NCALD: variants seen among roughly 807,000 people sequenced by gnomAD.
The protein encoded by NCALD is neurocalcin delta, also known as neurocalcin-delta.
NCALD carries 10 observed loss-of-function variants against 18.6 expected under a neutral mutation model. That is an observed-to-expected ratio of 0.54 (90% CI 0.33 to 0.91). The LOEUF (loss-of-function observed/expected upper bound fraction) is 0.91, where lower values mean the gene tolerates loss of function less well. NCALD is among the 40% of genes least tolerant of loss of function. The pLI is 0.03. For missense variants in NCALD, 184 were observed against 247.6 expected, an observed-to-expected ratio of 0.74 and a Z score of 1.72; for synonymous variants, 88 against 87.4, an observed-to-expected ratio of 1.01 and a Z score of -0.04.
intron 1 of NCALD, among the ~76,000 whole-genome samples, chr8:102,052,511 T>C (rs956224910): frequency 1.3e-5 from 2 of 152,256 alleles, no homozygotes; most frequent in Non-Finnish European, 2.9e-5. Flanking sequence ...TTTTCACTTA[T>C]GTTATCTTAG....
chr8:102,018,283 G>T (rs566340678), intron 2 of NCALD, among the ~76,000 whole-genome samples: 3 of 152,120 alleles, frequency 2.0e-5, no homozygotes, highest in African/African-American at 7.2e-5. Context: ...TCCACACAAA[G>T]GCCTGTTCAT....
At chr8:102,110,448 C>T (rs1305755666) in intron 1 of NCALD, among the ~76,000 whole-genome samples, 1 of 152,166 alleles carries the variant, frequency 6.6e-6, no homozygotes. Context: ...TTAGAAAGCA[C>T]TCCACTTTCA....
chr8:102,038,964 A>C (rs1563564774), intron 1 of NCALD, among the ~76,000 whole-genome samples: 2 of 152,182 alleles, frequency 1.3e-5, no homozygotes, highest in South Asian at 2.1e-4. Flanking sequence ...CAACCTGCCT[A>C]TGGGGACTAC....
At position 101,823,764 on chromosome 8, in the gene NCALD, G is replaced by A. The variant is rs536159184; in HGVS notation, c.-20+63377C>T. Among the ~76,000 whole-genome samples, 7 of 152,272 alleles carry A rather than the reference G, an allele frequency of 4.6e-5. No homozygotes were observed. The East Asian group carries it at 9.7e-4, about 21-fold the overall frequency. ...TAGCAAAGCTTTAGGAGGAAGCCAC[G>A]CAATTCTCTGAGTATGGTGGAGGCT... On this transcript the variant is annotated intron_variant, in intron 4 of 6. Coordinates refer to the NCALD transcript ENST00000311028.
chr8:101,765,355 T>C (rs1811302788), intron 1 of NCALD, among the ~76,000 whole-genome samples: 1 of 152,190 alleles, frequency 6.6e-6, no homozygotes, highest in Non-Finnish European at 1.5e-5. Context: ...CGGGGCAATG[T>C]TCCAGAGAGA....
At chr8:101,777,413 A>G (rs984965267) in intron 1 of NCALD, among the ~76,000 whole-genome samples, 1 of 152,190 alleles carries the variant, frequency 6.6e-6, no homozygotes, top group African/African-American at 2.4e-5. Context: ...TGGGGAAGTT[A>G]GGAATGGGAC....
chr8:101,933,554 G>A (rs900825241), intron 2 of NCALD, among the ~76,000 whole-genome samples: 2 of 152,204 alleles, frequency 1.3e-5, no homozygotes, highest in Admixed American at 1.3e-4. Flanking sequence ...CTCTAAGTTT[G>A]TGGTGATTTG....
chr8:101,851,379 A>T (rs1328240210), intron 4 of NCALD, among the ~76,000 whole-genome samples: 1 of 144,390 alleles, frequency 6.9e-6, no homozygotes, highest in African/African-American at 2.6e-5. Context: ...TCATTAAACT[A>T]AAAAAAAAAA....
At chr8:101,834,341 C>G (rs1363744388) in intron 4 of NCALD, among the ~76,000 whole-genome samples, 1 of 152,254 alleles carries the variant, frequency 6.6e-6, no homozygotes, top group Non-Finnish European at 1.5e-5. Context: ...CAAGCTGAGC[C>G]CCACCCAGGG....
chr8:101,772,091 C>T (rs1275555948), intron 1 of NCALD, among the ~76,000 whole-genome samples: 1 of 152,102 alleles, frequency 6.6e-6, no homozygotes. Flanking sequence ...TTGGGTCTAG[C>T]CTAAAGGCAG....
At chr8:101,941,416 C>T (rs58837482) in intron 2 of NCALD, among the ~76,000 whole-genome samples, 6,914 of 152,304 alleles carry the variant, frequency 0.045, 379 homozygotes, top group African/African-American at 0.12. Flanking sequence ...GGTTCACCTG[C>T]TGCTCACCTC....
chr8:101,998,507 G>T (rs1821320582), intron 2 of NCALD, among the ~76,000 whole-genome samples: 2 of 152,114 alleles, frequency 1.3e-5, no homozygotes, highest in African/African-American at 4.8e-5. Context: ...AGTGCAATGG[G>T]GTGCTGTTTC....
intron 4 of NCALD, among the ~76,000 whole-genome samples, chr8:101,842,700 A>T (rs1000828343): frequency 6.6e-6 from 1 of 152,176 alleles, no homozygotes; most frequent in South Asian, 2.1e-4. Flanking sequence ...AAGGCCCCCA[A>T]CCTATTTCCA....
At chr8:102,021,556 A>G (rs1383835173) in intron 1 of NCALD, among the ~76,000 whole-genome samples, 1 of 152,208 alleles carries the variant, frequency 6.6e-6, no homozygotes, top group African/African-American at 2.4e-5. Context: ...CCAGAACCAC[A>G]GTATTAACAG....
intron 2 of NCALD, among the ~76,000 whole-genome samples, chr8:101,998,576 G>A (rs1821323778): frequency 6.6e-6 from 1 of 152,148 alleles, no homozygotes; most frequent in Non-Finnish European, 1.5e-5. Flanking sequence ...TCACAGCTCT[G>A]GCTTCTGCTC....
chr8:101,898,864 G>T (rs1264230590), intron 3 of NCALD, among the ~76,000 whole-genome samples: 1 of 151,886 alleles, frequency 6.6e-6, no homozygotes, highest in Non-Finnish European at 1.5e-5. Flanking sequence ...CATTCTAGTT[G>T]CCTTACTTTT....
intron 2 of NCALD, among the ~76,000 whole-genome samples, chr8:101,713,475 T>A (rs1815911416): frequency 1.1e-5 from 1 of 94,382 alleles, no homozygotes; most frequent in Admixed American, 1.3e-4. Context: ...CATAAAAAAA[T>A]CAAGGAATCA....
At chr8:101,920,860 T>C (rs1818139199) in intron 2 of NCALD, among the ~76,000 whole-genome samples, 2 of 152,174 alleles carry the variant, frequency 1.3e-5, no homozygotes, top group South Asian at 4.1e-4. Context: ...CCTGCACATA[T>C]ACCCACTGAA....
chr8:101,900,613 A>G (rs1177889762), intron 3 of NCALD, among the ~76,000 whole-genome samples: 2 of 151,918 alleles, frequency 1.3e-5, no homozygotes, highest in Admixed American at 1.3e-4. Flanking sequence ...TTTGACCTAC[A>G]GATTCTATTT....
Sources: gnomAD v4.1 joint callset for allele counts (sites outside exome capture counted in the v4.1 genomes callset) on GRCh38, gnomAD v4.1.1 for gene constraint, MANE v1.5 for transcripts, NCBI Gene and HGNC (gene_info 2026-07-23, HGNC 2026-07-21) for gene names.